The following DPH6 variants were observed in gnomAD, a reference collection of about 807,000 sequenced individuals.
DPH6 encodes the protein diphthine--ammonia ligase.
In DPH6, 33 loss-of-function variants were observed where a neutral mutation model predicts 38.2. The ratio of observed to expected loss-of-function variants is 0.86; its 90% CI spans 0.65 to 1.15. The LOEUF (loss-of-function observed/expected upper bound fraction) is 1.15. Ranked by LOEUF, DPH6 falls within the 50% of genes most tolerant of loss-of-function variation. The pLI is 0.00. For synonymous variants in DPH6, 108 were observed against 103.0 expected, an observed-to-expected ratio of 1.05 and a Z score of -0.30; for missense variants, 325 against 320.0, an observed-to-expected ratio of 1.02 and a Z score of -0.12.
chr15:35,426,919 T>C (rs944183459), intron 5 of DPH6, among the ~76,000 whole-genome samples: 3 of 149,294 alleles, frequency 2.0e-5, no homozygotes, highest in Non-Finnish European at 4.5e-5. Context: ...TATGAACACG[T>C]TGAAAATATC....
intron 5 of DPH6, among the ~76,000 whole-genome samples, chr15:35,435,556 G>A (rs2053687779): frequency 6.6e-6 from 1 of 152,152 alleles, no homozygotes; most frequent in Non-Finnish European, 1.5e-5. Context: ...TTCAGCTCAT[G>A]TGTGGTGGCC....
intron 3 of DPH6, among the ~76,000 whole-genome samples, chr15:35,253,071 G>C (rs1279762317): frequency 1.3e-5 from 2 of 152,120 alleles, no homozygotes; most frequent in African/African-American, 4.8e-5. Context: ...CATATTGAAG[G>C]CATCTGAATG....
chr15:35,245,893 T>G (rs1026024863), intron 3 of DPH6, among the ~76,000 whole-genome samples: 1 of 152,192 alleles, frequency 6.6e-6, no homozygotes, highest in Non-Finnish European at 1.5e-5. Flanking sequence ...GACAGGTAAG[T>G]GTCAGGCCTC....
At chr15:35,217,951 C>A (rs892031080) in exon 4 of DPH6, 2 of 152,128 alleles carry the variant, frequency 1.3e-5, no homozygotes, top group African/African-American at 2.4e-5. Flanking sequence ...ACTTATAATA[C>A]TTAATGCAAA....
chr15:35,284,045 CTA>C (rs1313004963), intron 3 of DPH6, among the ~76,000 whole-genome samples: 2 of 152,142 alleles, frequency 1.3e-5, no homozygotes, highest in East Asian at 3.9e-4. Context: ...GGACAGAACA[CTA>C]TTTCTTTTCA....
intron 3 of DPH6, chr15:35,237,372 C>T: frequency 6.2e-7 from 1 of 1,601,552 alleles, no homozygotes; most frequent in Non-Finnish European, 8.6e-7. Flanking sequence ...AACAGGACGC[C>T]CTCTGATGTG....
chr15:35,465,009 A>C (rs2054110674), intron 3 of DPH6, among the ~76,000 whole-genome samples: 1 of 152,230 alleles, frequency 6.6e-6, no homozygotes, highest in Non-Finnish European at 1.5e-5. Context: ...TTAAAGGTAG[A>C]AATCTAGACA....
intron 3 of DPH6, among the ~76,000 whole-genome samples, chr15:35,528,480 T>G (rs2055038300): frequency 6.6e-6 from 1 of 152,190 alleles, no homozygotes; most frequent in Non-Finnish European, 1.5e-5. Flanking sequence ...CACTATTTAT[T>G]TAAATACCAT....
At chr15:35,352,879 T>C (rs2052527563) in intron 3 of DPH6, among the ~76,000 whole-genome samples, 1 of 152,244 alleles carries the variant, frequency 6.6e-6, no homozygotes, top group African/African-American at 2.4e-5. Flanking sequence ...ATGGTTGAAC[T>C]AGTTTACAGT....
In DPH6 at chr15:35,371,743, G is replaced by A; in HGVS notation, c.*407C>T. On this transcript the variant is annotated 3_prime_UTR_variant, in exon 9 of 9. Transcript: ENST00000256538. ...GAATAAGCTTGACTGGCTAAATAAA[G>A]TGACCATCTTTTCATCTTCATTTTC... 3 of 988,596 alleles carry A rather than the reference G, an allele frequency of 3.0e-6. No individual in the cohort carries two copies. The highest frequency in any genetic ancestry group is 2.4e-6 in the Non-Finnish European group (2 of 832,370). The allele number at this position is 988,596 out of a possible 1,614,324, so 61.2% of individuals were successfully genotyped here.
chr15:35,396,904 G>C (rs1294601736), intron 6 of DPH6, among the ~76,000 whole-genome samples: 1 of 152,108 alleles, frequency 6.6e-6, no homozygotes, highest in East Asian at 1.9e-4. Context: ...ATCAATTTTC[G>C]TGAACTTTTC....
chr15:35,259,143 TCAA>T (rs1390464777), intron 3 of DPH6, among the ~76,000 whole-genome samples: 15 of 68,218 alleles, frequency 2.2e-4, no homozygotes, highest in Non-Finnish European at 5.2e-4. Context: ...AGACTCCGTC[TCAA>T]AAAAAAAAAA....
At chr15:35,496,573 T>A (rs868237541) in intron 3 of DPH6, among the ~76,000 whole-genome samples, 1,265 of 87,516 alleles carry the variant, frequency 0.014, 77 homozygotes, top group African/African-American at 0.091. Context: ...AAAAAATATA[T>A]ATATATATAT....
chr15:35,288,754 A>G (rs2051960308), intron 3 of DPH6, among the ~76,000 whole-genome samples: 1 of 152,122 alleles, frequency 6.6e-6, no homozygotes. Flanking sequence ...CACTAATTCT[A>G]AAGAATCAGG....
chr15:35,313,092 G>T (rs946695572), intron 3 of DPH6, among the ~76,000 whole-genome samples: 4 of 152,150 alleles, frequency 2.6e-5, no homozygotes, highest in Admixed American at 2.6e-4. Context: ...AATTATCTGG[G>T]TATGGTGGCA....
chr15:35,298,302 G>T, intron 3 of DPH6: 1 of 592,206 alleles, frequency 1.7e-6, no homozygotes, highest in Non-Finnish European at 3.3e-6. Flanking sequence ...GTAGAAACAT[G>T]CATTTGCCAC....
At chr15:35,151,516 T>G in the DPH6 span, among the ~76,000 whole-genome samples, 1 of 152,272 alleles carries the variant, frequency 6.6e-6, no homozygotes, top group African/African-American at 2.4e-5. Context: ...GGCCACCATC[T>G]GTGTGGCATT....
chr15:35,330,394 A>G (rs548201724), downstream of DPH6, among the ~76,000 whole-genome samples: 2 of 152,270 alleles, frequency 1.3e-5, no homozygotes, highest in South Asian at 2.1e-4. Flanking sequence ...AACAAAATGG[A>G]AGCATTTTGT....
chr15:35,413,450 T>C (rs375011214), intron 5 of DPH6, among the ~76,000 whole-genome samples: 20 of 151,584 alleles, frequency 1.3e-4, no homozygotes, highest in East Asian at 3.9e-4. Context: ...CTTAATATAT[T>C]TGAAAGCTAT....
Sources: gnomAD v4.1 joint callset for allele counts (sites outside exome capture counted in the v4.1 genomes callset) on GRCh38, gnomAD v4.1.1 for gene constraint, MANE v1.5 for transcripts, NCBI Gene and HGNC (gene_info 2026-07-23, HGNC 2026-07-21) for gene names.